Variants in CSMD3 observed in about 807,000 individuals in gnomAD.
CSMD3 encodes the protein CUB and sushi domain-containing protein 3.
A neutral mutation model predicts 435.2 loss-of-function variants in CSMD3; 177 were observed. The ratio of observed to expected loss-of-function variants is 0.41; its 90% CI spans 0.36 to 0.46. The LOEUF (loss-of-function observed/expected upper bound fraction) is 0.46. Ranked by LOEUF, CSMD3 falls within the 20% of genes least tolerant of loss-of-function variation. The pLI is 0.34. For synonymous variants in CSMD3, 1,656 were observed against 1,520.5 expected (o/e 1.09, Z -2.07); for missense variants, 4,265 against 4,504.6 (o/e 0.95, Z 1.52).
chr8:113,144,117 T>C (rs2091615255), intron 4 of CSMD3, among the ~76,000 whole-genome samples: 1 of 150,322 alleles, frequency 6.7e-6, no homozygotes, highest in Non-Finnish European at 1.5e-5. Flanking sequence ...TATATAATTA[T>C]TACTTATTAT....
chr8:113,417,526 T>C (rs1244565116), intron 1 of CSMD3, among the ~76,000 whole-genome samples: 30 of 152,022 alleles, frequency 2.0e-4, no homozygotes, highest in Admixed American at 1.9e-3. Context: ...ACACTTCTCA[T>C]TGTTTTATGC....
intron 32 of CSMD3, among the ~76,000 whole-genome samples, chr8:112,448,769 A>C (rs1032454678): frequency 1.8e-4 from 28 of 151,542 alleles, no homozygotes; most frequent in Non-Finnish European, 3.4e-4. Flanking sequence ...AAAAAAAAAA[A>C]AAAAAAAAAC....
intron 27 of CSMD3, among the ~76,000 whole-genome samples, chr8:112,543,000 G>A (rs1826823502): frequency 6.6e-6 from 1 of 152,072 alleles, no homozygotes; most frequent in Admixed American, 6.6e-5. Flanking sequence ...ACAAAGGGGA[G>A]AGGATAGTCT....
At chr8:112,717,209 A>C (rs568287580) in intron 13 of CSMD3, among the ~76,000 whole-genome samples, 1 of 152,192 alleles carries the variant, frequency 6.6e-6, no homozygotes, top group East Asian at 1.9e-4. Flanking sequence ...CAAGAAACTT[A>C]AACAAATTTA....
intron 47 of CSMD3, among the ~76,000 whole-genome samples, chr8:112,317,558 G>A (rs2046888771): frequency 1.3e-5 from 2 of 151,986 alleles, no homozygotes; most frequent in East Asian, 3.9e-4. Context: ...AAGGTCTAGA[G>A]AGTAGCCTTA....
At chr8:112,733,023 A>G (rs2077108859) in intron 13 of CSMD3, among the ~76,000 whole-genome samples, 1 of 152,152 alleles carries the variant, frequency 6.6e-6, no homozygotes, top group African/African-American at 2.4e-5. Context: ...AAAACACACA[A>G]TAATTTTTAT....
At position 112,800,259 on chromosome 8, in the gene CSMD3, A is replaced by G; in HGVS notation, c.1875T>C (p.Phe625=). 6.2e-7 allele frequency: 1 copy of G among 1,611,826 alleles called. No homozygotes were observed. The highest frequency in any genetic ancestry group is 8.5e-7 in the Non-Finnish European group (1 of 1,178,128). The change falls in exon 13 of 71, where the codon TTT becomes TTC. Residue 625 remains phenylalanine (F), a synonymous_variant. Transcript: ENST00000297405. ...TCATGCTCACTATCAAGTCTGGTAC[A>G]AAGCTTCCAGTCAGCCTAAAAAGAG... ...RTVLQVLTGS[F]VPDLIVSMSS...
intron 5 of CSMD3, among the ~76,000 whole-genome samples, chr8:113,049,234 G>A (rs942195718): frequency 6.6e-6 from 1 of 152,064 alleles, no homozygotes; most frequent in African/African-American, 2.4e-5. Context: ...GCGAAAATCT[G>A]TCTCAAAAAG....
Position 113,346,297 on chromosome 8 carries a change from C to G in CSMD3, c.179-31504G>C, listed in dbSNP as rs568915305. Among the ~76,000 whole-genome samples, 3 of 152,056 alleles carry G rather than the reference C, an allele frequency of 2.0e-5. No homozygotes were observed. The South Asian group carries it at 6.2e-4, about 32-fold the overall frequency. Reference sequence around the variant, plus strand: ...GATATATTAACTTTCTGAGTTTCCACCCCACTTTTCTCTTTACTTTCTTTT... The same window carrying G: ...GATATATTAACTTTCTGAGTTTCCAGCCCACTTTTCTCTTTACTTTCTTTT... On this transcript the variant is annotated intron_variant, in intron 1 of 70. Coordinates refer to ENST00000297405, the MANE Select transcript of CSMD3 (RefSeq NM_198123.2).
At chr8:112,394,468 A>G (rs1237912688) in intron 35 of CSMD3, among the ~76,000 whole-genome samples, 1 of 152,110 alleles carries the variant, frequency 6.6e-6, no homozygotes, top group African/African-American at 2.4e-5. Context: ...TTTCAAACTC[A>G]CCGTGGTCTT....
chr8:112,309,616 T>C (rs1490740798), intron 50 of CSMD3, among the ~76,000 whole-genome samples: 2 of 152,094 alleles, frequency 1.3e-5, no homozygotes, highest in African/African-American at 4.8e-5. Flanking sequence ...AATGTATCTA[T>C]TCTGCATGAA....
intron 22 of CSMD3, among the ~76,000 whole-genome samples, chr8:112,612,428 T>C (rs1833329597): frequency 6.6e-6 from 1 of 152,044 alleles, no homozygotes; most frequent in Middle Eastern, 3.2e-3. Flanking sequence ...ATCCAAATGG[T>C]GTGGGATTAA....
chr8:112,898,044 T>C (rs911764653), intron 10 of CSMD3, among the ~76,000 whole-genome samples: 3 of 151,198 alleles, frequency 2.0e-5, no homozygotes, highest in African/African-American at 2.4e-5. Flanking sequence ...GTTATACGTA[T>C]AGAAATACTT....
At chr8:112,839,988 T>C (rs2080134072) in intron 11 of CSMD3, among the ~76,000 whole-genome samples, 6 of 151,702 alleles carry the variant, frequency 4.0e-5, no homozygotes, top group Admixed American at 3.3e-4. Flanking sequence ...TTATTTTTGT[T>C]TATGTAATTT....
rs560862492 is a variant in CSMD3, at chr8:113,189,208, C to A, written c.515-15292G>T. Among the ~76,000 whole-genome samples the A allele has an allele frequency of 4.0e-5, 6 of 151,858 alleles. No individual in the cohort carries two copies. The South Asian group carries it at 1.2e-3, about 32-fold the overall frequency. On this transcript the variant is annotated intron_variant, in intron 3 of 70. Coordinates refer to ENST00000297405, the MANE Select transcript of CSMD3 (RefSeq NM_198123.2). Reference sequence around the variant, plus strand: ...CTAATCATGCTAACTAGTTTTGTTACTGGTTGTAGTTCATGATACAATACA... The same window carrying A: ...CTAATCATGCTAACTAGTTTTGTTAATGGTTGTAGTTCATGATACAATACA...
intron 1 of CSMD3, among the ~76,000 whole-genome samples, chr8:113,391,105 A>G (rs1355491180): frequency 6.6e-6 from 1 of 151,996 alleles, no homozygotes; most frequent in African/African-American, 2.4e-5. Context: ...ACTCTCGCAT[A>G]TCCCATTAGA....
chr8:113,026,870 T>C (rs187903765), intron 5 of CSMD3, among the ~76,000 whole-genome samples: 1 of 152,332 alleles, frequency 6.6e-6, no homozygotes, highest in East Asian at 1.9e-4. Context: ...TTGGTATAAC[T>C]CTTCCTATGG....
chr8:112,435,787 G>T (rs1814266309), intron 32 of CSMD3, among the ~76,000 whole-genome samples: 1 of 151,926 alleles, frequency 6.6e-6, no homozygotes, highest in Non-Finnish European at 1.5e-5. Context: ...GATATACTAT[G>T]CTCTGAAAAC....
Position 112,792,210 on chromosome 8 carries a change from T to A in CSMD3, c.1972+7952A>T, listed in dbSNP as rs192942301. Reference sequence around the variant, plus strand: ...ATGAAGTCCAATTTATCAATTTTTTTAATATCTTAGTTTTCTCCTTTACTA... The same window carrying A: ...ATGAAGTCCAATTTATCAATTTTTTAAATATCTTAGTTTTCTCCTTTACTA... On this transcript the variant is annotated intron_variant, in intron 13 of 70. Transcript: ENST00000297405. Among the ~76,000 whole-genome samples, 331 of 152,306 alleles carry A rather than the reference T, an allele frequency of 2.2e-3. 1 individual carries two copies. The highest frequency in any genetic ancestry group is 7.6e-3 in the African/African-American group (318 of 41,576).
Sources: allele counts gnomAD v4.1 joint callset (sites outside exome capture counted in the v4.1 genomes callset), GRCh38; gene constraint gnomAD v4.1.1; transcripts MANE v1.5; gene names NCBI Gene and HGNC (gene_info 2026-07-23, HGNC 2026-07-21).